ARB2A: variants seen among roughly 807,000 people sequenced by gnomAD.
ARB2A encodes cotranscriptional regulator ARB2A.
the ARB2A span, chr5:93,683,221 A>G: frequency 1.5e-5 from 21 of 1,371,492 alleles, no homozygotes; most frequent in East Asian, 2.3e-5. Context: ...CTTCATCATC[A>G]TCGTCATCAT....
chr5:94,109,851 C>T, the ARB2A span, among the ~76,000 whole-genome samples: 1 of 151,334 alleles, frequency 6.6e-6, no homozygotes, highest in African/African-American at 2.4e-5. Flanking sequence ...CATTCTCTCT[C>T]CCCTTAATTT....
chr5:93,658,953 C>CGTGGGG, the ARB2A span, among the ~76,000 whole-genome samples: 1 of 29,294 alleles, frequency 3.4e-5, no homozygotes, highest in Non-Finnish European at 6.1e-5. Flanking sequence ...ATGGTTAGTA[C>CGTGGGG]GTGGGGGTGG....
chr5:94,010,544 C>T, the ARB2A span, among the ~76,000 whole-genome samples: 1 of 152,046 alleles, frequency 6.6e-6, no homozygotes, highest in African/African-American at 2.4e-5. Context: ...TTGATGCTTT[C>T]CCAAGATCTT....
the ARB2A span, among the ~76,000 whole-genome samples, chr5:93,714,799 GC>G: frequency 6.6e-6 from 1 of 152,186 alleles, no homozygotes; most frequent in East Asian, 1.9e-4. Flanking sequence ...TCCTATTGGA[GC>G]TTTCCCAATA....
At chr5:93,833,390 AG>A in the ARB2A span, among the ~76,000 whole-genome samples, 6 of 152,232 alleles carry the variant, frequency 3.9e-5, no homozygotes, top group African/African-American at 1.4e-4. Flanking sequence ...TGGTGGTCAA[AG>A]ATATTCATCA....
At chr5:93,709,712 T>G in the ARB2A span, among the ~76,000 whole-genome samples, 5 of 151,668 alleles carry the variant, frequency 3.3e-5, no homozygotes, top group African/African-American at 1.2e-4. Context: ...TATTTAGTTT[T>G]ATTGTGTTAC....
At chr5:94,074,858 C>G in the ARB2A span, 2 of 771,284 alleles carry the variant, frequency 2.6e-6, no homozygotes, top group South Asian at 3.7e-5. Flanking sequence ...CAGGATTAAT[C>G]TCTCTATGCT....
At chr5:94,004,111 A>C in the ARB2A span, among the ~76,000 whole-genome samples, 1 of 152,224 alleles carries the variant, frequency 6.6e-6, no homozygotes, top group Non-Finnish European at 1.5e-5. Flanking sequence ...TTCAATTCAC[A>C]GTGCTGGAGC....
chr5:93,929,384 G>A, the ARB2A span, among the ~76,000 whole-genome samples: 1 of 152,072 alleles, frequency 6.6e-6, no homozygotes, highest in Non-Finnish European at 1.5e-5. Flanking sequence ...GAATGTGACA[G>A]CTGGCTACTT....
the ARB2A span, among the ~76,000 whole-genome samples, chr5:93,848,212 G>A: frequency 2.0e-5 from 3 of 151,930 alleles, no homozygotes; most frequent in South Asian, 2.1e-4. Context: ...GTGAAACCCC[G>A]TCTCTACTGA....
the ARB2A span, among the ~76,000 whole-genome samples, chr5:93,804,509 ATAT>A: frequency 6.6e-6 from 1 of 151,924 alleles, no homozygotes; most frequent in Non-Finnish European, 1.5e-5. Context: ...TAATAATTCA[ATAT>A]TATTAAAAGT....
chr5:93,781,868 C>A, the ARB2A span: 2 of 985,128 alleles, frequency 2.0e-6, no homozygotes, highest in Admixed American at 1.2e-4. Context: ...AAACAAAAAA[C>A]TTTCCAACAC....
chr5:93,861,200 A>C, the ARB2A span: 9 of 152,050 alleles, frequency 5.9e-5, no homozygotes, highest in African/African-American at 2.2e-4. Context: ...GAACCCAAAC[A>C]TGCATACTAT....
chr5:94,101,604 C>T, the ARB2A span, among the ~76,000 whole-genome samples: 1 of 152,144 alleles, frequency 6.6e-6, no homozygotes, highest in Non-Finnish European at 1.5e-5. Flanking sequence ...GAATATTACA[C>T]AGTCATAAAA....
the ARB2A span, among the ~76,000 whole-genome samples, chr5:93,877,680 T>C: frequency 2.0e-5 from 3 of 152,088 alleles, no homozygotes; most frequent in Non-Finnish European, 2.9e-5. Flanking sequence ...ACCTGGTAAA[T>C]TCCATGTAAA....
the ARB2A span, among the ~76,000 whole-genome samples, chr5:94,015,007 A>G: frequency 4.0e-5 from 6 of 151,888 alleles, no homozygotes; most frequent in African/African-American, 1.5e-4. Context: ...AAACTTTCCA[A>G]AACATGAGAA....
At chr5:94,065,463 G>A in the ARB2A span, among the ~76,000 whole-genome samples, 1 of 152,170 alleles carries the variant, frequency 6.6e-6, no homozygotes, top group Non-Finnish European at 1.5e-5. Context: ...GCAGTGAGCT[G>A]TGATCATATT....
the ARB2A span, among the ~76,000 whole-genome samples, chr5:94,063,360 G>A: frequency 2.6e-5 from 4 of 152,084 alleles, no homozygotes; most frequent in African/African-American, 7.2e-5. Flanking sequence ...CTGCAGGCCT[G>A]GGCACTGTCC....
the ARB2A span, among the ~76,000 whole-genome samples, chr5:93,672,655 A>G: frequency 3.4e-4 from 52 of 152,166 alleles, no homozygotes; most frequent in Non-Finnish European, 6.0e-4. Flanking sequence ...CTAATGAGAT[A>G]AAGAAGAAAA....
Sources: allele counts gnomAD v4.1 joint callset (sites outside exome capture counted in the v4.1 genomes callset), GRCh38; gene constraint gnomAD v4.1.1; transcripts MANE v1.5; gene names NCBI Gene and HGNC (gene_info 2026-07-23, HGNC 2026-07-21).